ATP11B: variants seen among roughly 807,000 people sequenced by gnomAD.
ATP11B encodes the protein ATPase phospholipid transporting 11B (putative).
A neutral mutation model predicts 157.8 loss-of-function variants in ATP11B; 81 were observed. That is an observed-to-expected ratio of 0.51 (90% CI 0.43 to 0.62). The LOEUF (loss-of-function observed/expected upper bound fraction) is 0.62. Among genes scored for constraint, ATP11B ranks in the 20% least tolerant of loss-of-function variants. ATP11B has a pLI of 0.00. For synonymous variants in ATP11B, 451 were observed against 469.4 expected (o/e 0.96, Z 0.51); for missense variants, 1,165 against 1,402.2 (o/e 0.83, Z 2.70).
chr3:182,907,659 A>G (rs1404899787), intron 28 of ATP11B, among the ~76,000 whole-genome samples: 3 of 152,222 alleles, frequency 2.0e-5, no homozygotes, highest in South Asian at 2.1e-4. Flanking sequence ...TTGAGCGCCA[A>G]AGAAAGCTCA....
intron 7 of ATP11B, 78 bp downstream of exon 7, chr3:182,837,252 G>T: frequency 9.3e-6 from 10 of 1,075,520 alleles, no homozygotes; most frequent in Non-Finnish European, 1.3e-5. Context: ...AACATAAAAT[G>T]AAATCTTTAG....
At chr3:182,891,950 G>A (rs932788571) in intron 25 of ATP11B, among the ~76,000 whole-genome samples, 11 of 152,152 alleles carry the variant, frequency 7.2e-5, no homozygotes, top group African/African-American at 2.7e-4. Flanking sequence ...ATTATTTGTA[G>A]AGCATTAAGC....
intron 23 of ATP11B, 91 bp from the exon 24 acceptor site, chr3:182,887,495 T>A (rs1189383626): frequency 4.4e-6 from 5 of 1,131,784 alleles, no homozygotes; most frequent in Non-Finnish European, 6.1e-6. Flanking sequence ...TTTTAAAACT[T>A]TAATTTTGTT....
intron 9 of ATP11B, 117 bp from the exon 10 acceptor site, chr3:182,848,359 A>C (rs1577016158): frequency 1.8e-6 from 1 of 563,534 alleles, no homozygotes; most frequent in East Asian, 4.0e-5. Flanking sequence ...AAAGAAAAGC[A>C]AAATTATAAC....
At chr3:182,867,579 C>T (rs1278084381) in intron 15 of ATP11B, 135 bp downstream of exon 15, 517 of 152,624 alleles carry the variant, frequency 3.4e-3, no homozygotes, top group South Asian at 5.6e-3. Context: ...AGTCACATTA[C>T]TTTTTTTTTT....
chr3:182,896,933 T>G (rs747430536), intron 26 of ATP11B, among the ~76,000 whole-genome samples, 168 bp downstream of exon 26: 7 of 152,186 alleles, frequency 4.6e-5, no homozygotes, highest in Non-Finnish European at 8.8e-5. Flanking sequence ...AAAATTATTT[T>G]TAAAGTTTAT....
At chr3:182,818,932 GAAA>G (rs1227458986) in intron 1 of ATP11B, among the ~76,000 whole-genome samples, 2 of 144,854 alleles carry the variant, frequency 1.4e-5, no homozygotes, top group East Asian at 4.0e-4. Flanking sequence ...AAAAAAAAAA[GAAA>G]AAAAGAAAAA....
rs116090817 is a variant in ATP11B at position 182,838,800 on chromosome 3, T to C, written c.656+1626T>C. ...GTGCTATATATTATATATATATATA[T>C]ACACACACATATATTACATGTGAAA... On this transcript the variant is annotated intron_variant, in intron 7 of 29. Transcript: ENST00000323116. Among the ~76,000 whole-genome samples the C allele has an allele frequency of 6.3e-4, 95 of 150,856 alleles. No homozygotes were observed. The East Asian group carries it at 6.8e-3, about 11-fold the overall frequency.
intron 22 of ATP11B, among the ~76,000 whole-genome samples, 194 bp from the exon 23 acceptor site, chr3:182,885,757 T>C (rs1387277932): frequency 6.6e-6 from 1 of 152,126 alleles, no homozygotes; most frequent in Non-Finnish European, 1.5e-5. Context: ...GCACTGTTGC[T>C]TAGAATGTTT....
At chr3:182,882,269 T>C (rs1183281426) in intron 21 of ATP11B, among the ~76,000 whole-genome samples, 2 of 152,150 alleles carry the variant, frequency 1.3e-5, no homozygotes, top group Admixed American at 6.5e-5. Flanking sequence ...TTGTATACCG[T>C]TATTTTCCAT....
At chr3:182,794,278 C>G (rs1253521458) in intron 1 of ATP11B, among the ~76,000 whole-genome samples, 2 of 152,146 alleles carry the variant, frequency 1.3e-5, no homozygotes, top group African/African-American at 2.4e-5. Flanking sequence ...AAGCGTGTCA[C>G]GATCCAGAGC....
intron 10 of ATP11B, among the ~76,000 whole-genome samples, chr3:182,854,400 G>A (rs1720213962): frequency 6.6e-6 from 1 of 152,104 alleles, no homozygotes; most frequent in African/African-American, 2.4e-5. Flanking sequence ...AACCCTGGAG[G>A]CGGAGGTTGT....
At chr3:182,903,613 C>T (rs1455942614) in intron 28 of ATP11B, among the ~76,000 whole-genome samples, 1 of 152,128 alleles carries the variant, frequency 6.6e-6, no homozygotes, top group Non-Finnish European at 1.5e-5. Flanking sequence ...GATGAGTATA[C>T]AAATGGGTGT....
In ATP11B at chr3:182,898,777, CCA is replaced by C. The variant is rs760783139; in HGVS notation, c.3318+7_3318+8del. 6.7e-7 allele frequency: 1 copy of C among 1,491,830 alleles called. No individual in the cohort carries two copies. Among genetic ancestry groups the C allele is most frequent in the South Asian group, 1.5e-5 (1 of 68,098 alleles). 92.4% of individuals were successfully genotyped at this position (1,491,830 alleles called of 1,614,324 possible). A position where few individuals can be genotyped will look rare whatever the true frequency, so the allele number is the denominator to read the frequency against. ...ACAAGTACTGAAAAGGCACAGGTAA[CCA>C]CTTTTTATAATAAATTCAATATCTT... On this transcript the variant is annotated splice_donor_region_variant and intron_variant, in intron 28 of 29. Transcript: ENST00000323116.
chr3:182,890,982 A>G (rs114864964), intron 25 of ATP11B, among the ~76,000 whole-genome samples: 1,624 of 152,326 alleles, frequency 0.011, 12 homozygotes, highest in Non-Finnish European at 0.016. Context: ...GCACATGTAT[A>G]CATATGTAAC....
At chr3:182,837,554 G>A (rs1242669096) in intron 7 of ATP11B, among the ~76,000 whole-genome samples, 2 of 151,958 alleles carry the variant, frequency 1.3e-5, no homozygotes, top group African/African-American at 4.8e-5. Context: ...TACCACTATA[G>A]AGGATACTGC....
chr3:182,859,484 T>C, intron 12 of ATP11B, 125 bp downstream of exon 12: 1 of 659,454 alleles, frequency 1.5e-6, no homozygotes, highest in Non-Finnish European at 2.3e-6. Context: ...TTTGCTCCAC[T>C]CCTAGCTGTT....
At chr3:182,861,183 A>G (rs1180863695) in intron 12 of ATP11B, among the ~76,000 whole-genome samples, 1 of 150,300 alleles carries the variant, frequency 6.7e-6, no homozygotes, top group Non-Finnish European at 1.5e-5. Context: ...CTTCTACCTC[A>G]GCCTCCCGAG....
At chr3:182,800,291 A>T (rs1051640073) in intron 1 of ATP11B, among the ~76,000 whole-genome samples, 7 of 151,654 alleles carry the variant, frequency 4.6e-5, no homozygotes, top group African/African-American at 9.7e-5. Context: ...ATGTGATCAC[A>T]GCTCACTGCA....
Sources: gnomAD v4.1 joint callset for allele counts (sites outside exome capture counted in the v4.1 genomes callset) on GRCh38, gnomAD v4.1.1 for gene constraint, MANE v1.5 for transcripts, NCBI Gene and HGNC (gene_info 2026-07-23, HGNC 2026-07-21) for gene names.